The following HDAC9 variants were observed in gnomAD, a reference collection of about 807,000 sequenced individuals.
The protein encoded by HDAC9 is MEF-2 interacting transcription repressor (MITR) protein.
In HDAC9, 41 loss-of-function variants were observed where a neutral mutation model predicts 139.4. The observed-to-expected ratio is 0.29, with a 90% CI of 0.23 to 0.38. The LOEUF (loss-of-function observed/expected upper bound fraction) is 0.38. Among genes scored for constraint, HDAC9 ranks in the 10% least tolerant of loss-of-function variants. The probability of loss-of-function intolerance (pLI) is 1.00; values close to 1 mark genes in which losing one functional copy is unlikely to be tolerated. For synonymous variants in HDAC9, 517 were observed against 476.2 expected, an observed-to-expected ratio of 1.09 and a Z score of -1.12; for missense variants, 1,147 against 1,297.0, an observed-to-expected ratio of 0.88 and a Z score of 1.78.
At chr7:18,884,721 T>C (rs1244145443) in intron 22 of HDAC9, among the ~76,000 whole-genome samples, 1 of 152,298 alleles carries the variant, frequency 6.6e-6, no homozygotes, top group East Asian at 1.9e-4. Context: ...TTTTAGTCAG[T>C]TGGGGCTTCT....
chr7:18,179,664 T>G (rs1789231802), intron 2 of HDAC9, among the ~76,000 whole-genome samples: 1 of 152,220 alleles, frequency 6.6e-6, no homozygotes, highest in South Asian at 2.1e-4. Flanking sequence ...TGTTTATCTA[T>G]TAATGAGAAA....
chr7:18,880,157 A>G (rs1219358930), intron 22 of HDAC9, among the ~76,000 whole-genome samples: 2 of 152,178 alleles, frequency 1.3e-5, no homozygotes, highest in Admixed American at 1.3e-4. Context: ...TCAAAAAATA[A>G]CAGGTGCTGG....
chr7:18,870,998 G>A (rs13234557), intron 21 of HDAC9, among the ~76,000 whole-genome samples: 5,172 of 152,168 alleles, frequency 0.034, 199 homozygotes, highest in African/African-American at 0.091. Context: ...AATCTTGCCT[G>A]CATCAGTTAT....
At chr7:18,583,226 T>G (rs1486777726) in intron 2 of HDAC9, among the ~76,000 whole-genome samples, 2 of 152,188 alleles carry the variant, frequency 1.3e-5, no homozygotes, top group African/African-American at 4.8e-5. Context: ...AAACATCTGT[T>G]AAGGGCTGTG....
Position 18,988,550 on chromosome 7 carries a change from G to A in HDAC9, c.3171-7473G>A, listed in dbSNP as rs561605125. On this transcript the variant is annotated intron_variant, in intron 25 of 25. Transcript: ENST00000686413. Reference sequence around the variant, plus strand: ...AAAATGTATATTCTGTTGATTTGGGGTGGAGAGTTCTGTAGATGTCTATCA... The same window carrying A: ...AAAATGTATATTCTGTTGATTTGGGATGGAGAGTTCTGTAGATGTCTATCA... 1.6e-3 allele frequency among the ~76,000 whole-genome samples: 244 copies of A among 152,124 alleles called. 4 individuals are homozygous for A. The highest frequency in any genetic ancestry group is 0.015 in the Admixed American group (225 of 15,284).
intron 13 of HDAC9, among the ~76,000 whole-genome samples, chr7:18,744,298 A>G (rs1434281439): frequency 6.6e-6 from 1 of 152,068 alleles, no homozygotes; most frequent in African/African-American, 2.4e-5. Flanking sequence ...GGCCTTTACT[A>G]CTAGATTTTA....
intron 7 of HDAC9, among the ~76,000 whole-genome samples, chr7:18,633,638 G>C (rs1157210545): frequency 6.6e-6 from 1 of 152,050 alleles, no homozygotes; most frequent in Non-Finnish European, 1.5e-5. Context: ...TCTCTGAAAA[G>C]CATGAGGCAA....
chr7:18,357,958 C>T (rs996247889), intron 1 of HDAC9, among the ~76,000 whole-genome samples: 1 of 152,150 alleles, frequency 6.6e-6, no homozygotes, highest in African/African-American at 2.4e-5. Flanking sequence ...TCTGATTTTG[C>T]TTTTGATAGG....
intron 12 of HDAC9, among the ~76,000 whole-genome samples, chr7:18,715,903 A>G (rs1200829595): frequency 1.3e-5 from 2 of 152,202 alleles, no homozygotes; most frequent in African/African-American, 4.8e-5. Flanking sequence ...ACACAACTTC[A>G]GGAGTTTTAT....
At chr7:18,370,755 A>G (rs773525598) in intron 1 of HDAC9, among the ~76,000 whole-genome samples, 5 of 152,164 alleles carry the variant, frequency 3.3e-5, no homozygotes, top group Non-Finnish European at 7.4e-5. Context: ...TGTGTAATGA[A>G]CTATTTGTTC....
chr7:18,796,719 C>T (rs1792835183), intron 17 of HDAC9, among the ~76,000 whole-genome samples: 1 of 152,096 alleles, frequency 6.6e-6, no homozygotes, highest in African/African-American at 2.4e-5. Flanking sequence ...GAATAATTAT[C>T]TCAAAATGGT....
At chr7:18,967,161 C>G (rs2129332119) in intron 24 of HDAC9, among the ~76,000 whole-genome samples, 1 of 152,044 alleles carries the variant, frequency 6.6e-6, no homozygotes, top group South Asian at 2.1e-4. Flanking sequence ...TTGACCAAAA[C>G]AAAACAAAAA....
chr7:18,862,882 C>T (rs562411021), intron 21 of HDAC9, among the ~76,000 whole-genome samples: 25 of 152,040 alleles, frequency 1.6e-4, no homozygotes, highest in Non-Finnish European at 3.1e-4. Flanking sequence ...AAAATAGAAG[C>T]CGTATCATAT....
chr7:18,492,647 A>C (rs1796457147), upstream of HDAC9, among the ~76,000 whole-genome samples: 1 of 151,974 alleles, frequency 6.6e-6, no homozygotes, highest in African/African-American at 2.4e-5. Context: ...CCATCTACCT[A>C]GCCTGACATT....
chr7:18,644,676 G>T lies in HDAC9; in HGVS notation c.918G>T (p.Met306Ile). The T allele has an allele frequency of 3.1e-6, 5 of 1,607,600 alleles. No individual in the cohort carries two copies. The highest frequency in any genetic ancestry group is 4.2e-6 in the Non-Finnish European group (5 of 1,176,816). The stretch of plus-strand genomic sequence containing the variant: ...CTCTCCTCTTTTTTTAACAGCAAAT[G>T]GTTTCACAGCAACGCATTCTAATTC... ...VLPPTPHAEQ[M>I]VSQQRILIHE... Residue 306 changes from methionine to isoleucine, a missense_variant, in exon 9 of 26, where the codon ATG (methionine) becomes ATT (isoleucine). Met to Ile is a conservative substitution (Grantham distance 10). Transcript: ENST00000686413.
At chr7:18,674,337 G>A (rs951668179) in intron 12 of HDAC9, among the ~76,000 whole-genome samples, 3 of 151,930 alleles carry the variant, frequency 2.0e-5, no homozygotes, top group African/African-American at 4.8e-5. Context: ...TACAGTAATT[G>A]CTTTCTAATA....
intron 1 of HDAC9, among the ~76,000 whole-genome samples, chr7:18,329,758 C>T (rs1800767309): frequency 6.6e-6 from 1 of 151,644 alleles, no homozygotes; most frequent in South Asian, 2.1e-4. Flanking sequence ...TGTTTCTTTC[C>T]TCCATTTCAC....
At chr7:18,232,936 T>C (rs1793563271) in intron 2 of HDAC9, among the ~76,000 whole-genome samples, 1 of 152,224 alleles carries the variant, frequency 6.6e-6, no homozygotes, top group Non-Finnish European at 1.5e-5. Context: ...TGAGCATAGG[T>C]TCATAATAAA....
chr7:18,169,532 A>G (rs1393732138), intron 2 of HDAC9, among the ~76,000 whole-genome samples: 3 of 152,012 alleles, frequency 2.0e-5, no homozygotes, highest in South Asian at 2.1e-4. Context: ...ACATAGGTAT[A>G]CATGTGCCAC....
Sources: allele counts gnomAD v4.1 joint callset (sites outside exome capture counted in the v4.1 genomes callset), GRCh38; gene constraint gnomAD v4.1.1; transcripts MANE v1.5; gene names NCBI Gene and HGNC (gene_info 2026-07-23, HGNC 2026-07-21).